Variants in CADM1 observed in about 807,000 individuals in gnomAD.
CADM1 encodes cell adhesion molecule 1.
In CADM1, 15 loss-of-function variants were observed where a neutral mutation model predicts 53.1. That is an observed-to-expected ratio of 0.28 (90% CI 0.19 to 0.44). The LOEUF (loss-of-function observed/expected upper bound fraction) is 0.44, where lower values mean the gene tolerates loss of function less well. CADM1 is among the 20% of genes least tolerant of loss of function. The pLI is 1.00. For synonymous variants in CADM1, 281 were observed against 243.0 expected (o/e 1.16, Z -1.45); for missense variants, 434 against 611.3 (o/e 0.71, Z 3.06).
intron 1 of CADM1, among the ~76,000 whole-genome samples, chr11:115,358,268 A>C (rs1470373199): frequency 1.3e-5 from 2 of 152,190 alleles, no homozygotes; most frequent in Non-Finnish European, 2.9e-5. Context: ...AGATTCATAA[A>C]GTATTGTATT....
At position 115,174,570 on chromosome 11, in the gene CADM1, G is replaced by A; in HGVS notation, c.*1904C>T. 1.0e-6 allele frequency: 1 copy of A among 984,920 alleles called. No homozygotes were observed. The highest frequency in any genetic ancestry group is 1.2e-6 in the Non-Finnish European group (1 of 829,242). The allele number at this position is 984,920 out of a possible 1,614,324, so 61.0% of individuals were successfully genotyped here. On this transcript the variant is annotated 3_prime_UTR_variant, in exon 12 of 12. Coordinates refer to ENST00000331581, the MANE Select transcript of CADM1 (RefSeq NM_001301043.2). ...CCCAAAAGGCCCCCATATTGCAATG[G>A]TTCTATCAAAGGTTAAAATAAAGAC...
At chr11:115,466,483 T>C (rs1214719661) in intron 1 of CADM1, among the ~76,000 whole-genome samples, 1 of 152,192 alleles carries the variant, frequency 6.6e-6, no homozygotes, top group Non-Finnish European at 1.5e-5. Context: ...CATCCATTAA[T>C]ACAACCCAAC....
At chr11:115,501,412 C>T (rs1565457900) in intron 1 of CADM1, among the ~76,000 whole-genome samples, 1 of 152,158 alleles carries the variant, frequency 6.6e-6, no homozygotes, top group Non-Finnish European at 1.5e-5. Context: ...CATAAATCCC[C>T]CATCCACCAG....
intron 1 of CADM1, among the ~76,000 whole-genome samples, chr11:115,400,306 T>C (rs1947103929): frequency 6.6e-6 from 1 of 151,454 alleles, no homozygotes; most frequent in African/African-American, 2.4e-5. Context: ...CTTCTACAAG[T>C]GAAAGAGTGT....
chr11:115,430,835 G>A (rs980543009), intron 1 of CADM1, among the ~76,000 whole-genome samples: 1 of 152,034 alleles, frequency 6.6e-6, no homozygotes, highest in Admixed American at 6.6e-5. Context: ...AGTTTATAAG[G>A]AATAAAAGAC....
At chr11:115,455,741 A>G (rs1948669933) in intron 1 of CADM1, among the ~76,000 whole-genome samples, 1 of 152,224 alleles carries the variant, frequency 6.6e-6, no homozygotes, top group Admixed American at 6.5e-5. Flanking sequence ...AAGAGGAAAG[A>G]ACCTGTTAAT....
rs1938884685 is a variant in CADM1 at position 115,173,713 on chromosome 11, T to C, written c.*2761A>G. ...TCTTTTTTTTTTTGTAAAAATGGTA[T>C]ACATGAACCAATACAAAATGCGAAT... On this transcript the variant is annotated 3_prime_UTR_variant, in exon 12 of 12. Transcript: ENST00000331581. The C allele has an allele frequency of 4.4e-6, 3 of 686,378 alleles. No homozygotes were observed. The South Asian group carries it at 2.0e-4, about 45-fold the overall frequency. The allele number at this position is 686,378 out of a possible 1,614,324, so 42.5% of individuals were successfully genotyped here.
intron 1 of CADM1, among the ~76,000 whole-genome samples, chr11:115,387,785 C>A (rs1946735498): frequency 6.6e-6 from 1 of 151,942 alleles, no homozygotes; most frequent in Admixed American, 6.6e-5. Context: ...TGCACACATG[C>A]ATGTGTGTGT....
At chr11:115,215,307 C>T (rs968694806) in intron 6 of CADM1, among the ~76,000 whole-genome samples, 1 of 152,186 alleles carries the variant, frequency 6.6e-6, no homozygotes, top group East Asian at 1.9e-4. Context: ...GAAAAACCAC[C>T]TTTGATTCTG....
At chr11:115,352,539 G>A (rs1049276111) in intron 1 of CADM1, among the ~76,000 whole-genome samples, 4 of 152,254 alleles carry the variant, frequency 2.6e-5, no homozygotes, top group African/African-American at 9.6e-5. Flanking sequence ...CCAGCTAAGA[G>A]CTCATCTCCA....
At position 115,407,873 on chromosome 11, in the gene CADM1, T is replaced by TAAAAAAAAAAAAAAAAAAAAAAAA; in HGVS notation, c.124+96374_124+96397dup. ...AGAAGGAAAGTAAGACCCTGTCATT[T>TAAAAAAAAAAAAAAAAAAAAAAAA]AAAAAAAAAAAAAAAAAAAAAAAAA... On this transcript the variant is annotated intron_variant, in intron 1 of 11. Coordinates refer to ENST00000331581, the MANE Select transcript of CADM1 (RefSeq NM_001301043.2). Among the ~76,000 whole-genome samples the TAAAAAAAAAAAAAAAAAAAAAAAA allele has an allele frequency of 6.3e-5, 2 of 31,720 alleles. 1 individual carries two copies. The highest frequency in any genetic ancestry group is 1.0e-4 in the Non-Finnish European group (2 of 19,946). The allele number at this position is 31,720 out of a possible 152,430, so 20.8% of individuals were successfully genotyped here. A position where few individuals can be genotyped will look rare whatever the true frequency, so the allele number is the denominator to read the frequency against.
intron 7 of CADM1, 121 bp from the exon 8 acceptor site, chr11:115,209,778 C>T: frequency 8.4e-7 from 1 of 1,193,886 alleles, no homozygotes; most frequent in Non-Finnish European, 1.2e-6. Context: ...CCTTTAAAAC[C>T]AAAAGTTCTT....
intron 1 of CADM1, among the ~76,000 whole-genome samples, chr11:115,390,104 G>C (rs1946797244): frequency 6.6e-6 from 1 of 152,088 alleles, no homozygotes; most frequent in Non-Finnish European, 1.5e-5. Flanking sequence ...AGGATAGTGG[G>C]ATTACTGTGT....
chr11:115,414,719 A>AT (rs58156807), intron 1 of CADM1, among the ~76,000 whole-genome samples: 152,288 of 152,288 alleles, frequency 1, 76,144 homozygotes, highest in Non-Finnish European at 1. Flanking sequence ...ACACTGTGGC[A>AT]TTTGTCATCC....
chr11:115,258,104 G>T (rs921665159), intron 1 of CADM1, among the ~76,000 whole-genome samples: 2 of 152,186 alleles, frequency 1.3e-5, no homozygotes. Context: ...ACTTGGGAAG[G>T]TTACTTAACT....
intron 1 of CADM1, among the ~76,000 whole-genome samples, chr11:115,463,533 C>G (rs1948837289): frequency 6.6e-6 from 1 of 152,182 alleles, no homozygotes. Context: ...TATGTACATT[C>G]CTGTTTCAGA....
chr11:115,382,211 T>C (rs370926947), intron 1 of CADM1, among the ~76,000 whole-genome samples: 3 of 152,322 alleles, frequency 2.0e-5, no homozygotes, highest in East Asian at 3.9e-4. Flanking sequence ...AAACCTGTAA[T>C]TTCATGGCTA....
chr11:115,214,528 C>A, intron 7 of CADM1, 80 bp downstream of exon 7: 1 of 1,434,288 alleles, frequency 7.0e-7, no homozygotes, highest in Non-Finnish European at 9.8e-7. Flanking sequence ...TCAACTTGAC[C>A]AAAAGCTTTG....
intron 1 of CADM1, among the ~76,000 whole-genome samples, chr11:115,467,389 G>A (rs1190436288): frequency 1.3e-5 from 2 of 152,154 alleles, no homozygotes; most frequent in African/African-American, 2.4e-5. Flanking sequence ...AAGGTGCAAG[G>A]CTGCTCTTTC....
Sources: gnomAD v4.1 joint callset for allele counts (sites outside exome capture counted in the v4.1 genomes callset) on GRCh38, gnomAD v4.1.1 for gene constraint, MANE v1.5 for transcripts, NCBI Gene and HGNC (gene_info 2026-07-23, HGNC 2026-07-21) for gene names.